Variants in AP2B1 observed in about 807,000 individuals in gnomAD.
The protein encoded by AP2B1 is adaptor related protein complex 2 subunit beta 1, also known as AP-2 complex subunit beta.
In AP2B1, 23 loss-of-function variants were observed where a neutral mutation model predicts 102.0. The ratio of observed to expected loss-of-function variants is 0.23; its 90% CI spans 0.16 to 0.32. AP2B1 has a LOEUF of 0.32. Among genes scored for constraint, AP2B1 ranks in the 10% least tolerant of loss-of-function variants. The pLI, the probability that AP2B1 is intolerant of heterozygous loss-of-function variation, is 1.00. For synonymous variants in AP2B1, 381 were observed against 421.2 expected (o/e 0.90, Z 1.17); for missense variants, 541 against 1,157.4 (o/e 0.47, Z 7.73).
intron 20 of AP2B1, among the ~76,000 whole-genome samples, chr17:35,714,626 T>C (rs1046299511): frequency 6.6e-6 from 1 of 152,038 alleles, no homozygotes; most frequent in Non-Finnish European, 1.5e-5. Context: ...AGGAGGATAA[T>C]GTGAGCCTGG....
intron 12 of AP2B1, among the ~76,000 whole-genome samples, chr17:35,644,804 C>T (rs978436973): frequency 2.6e-5 from 4 of 152,088 alleles, no homozygotes; most frequent in African/African-American, 7.2e-5. Flanking sequence ...GAGGCCAAGG[C>T]GGGCGGATCA....
intron 17 of AP2B1, among the ~76,000 whole-genome samples, chr17:35,679,173 G>T (rs2075764352): frequency 6.6e-6 from 1 of 152,128 alleles, no homozygotes; most frequent in Non-Finnish European, 1.5e-5. Flanking sequence ...TAGTTTTTTA[G>T]ACTTTGCTCC....
chr17:35,671,933 T>C (rs1430970994), intron 16 of AP2B1, 33 bp downstream of exon 16: 5 of 1,608,602 alleles, frequency 3.1e-6, no homozygotes, highest in Non-Finnish European at 3.4e-6. Context: ...AATACTTTCT[T>C]AATGGACAGG....
At chr17:35,684,114 G>A (rs2075881266) in intron 18 of AP2B1, among the ~76,000 whole-genome samples, 1 of 152,138 alleles carries the variant, frequency 6.6e-6, no homozygotes, top group South Asian at 2.1e-4. Context: ...TTTAACAACA[G>A]TTTTAAATTT....
chr17:35,669,446 A>T (rs1055250832), intron 14 of AP2B1, among the ~76,000 whole-genome samples: 1 of 152,086 alleles, frequency 6.6e-6, no homozygotes, highest in Admixed American at 6.5e-5. Flanking sequence ...CCAGCCAAGG[A>T]TGATCTTTTT....
Position 35,594,030 on chromosome 17 carries a change from C to T in AP2B1, c.-1C>T, listed in dbSNP as rs768520342. The stretch of plus-strand genomic sequence containing the variant: ...TAGGTGCACATTAAAGATCCAAAGT[C>T]ATGACTGACTCCAAGTATTTCACAA... On this transcript the variant is annotated 5_prime_UTR_variant, in exon 2 of 22. Coordinates refer to ENST00000610402, the MANE Select transcript of AP2B1 (RefSeq NM_001030006.2). 4.5e-5 allele frequency: 71 copies of T among 1,588,784 alleles called. No homozygotes were observed. Among genetic ancestry groups the T allele is most frequent in the Non-Finnish European group, 6.1e-5 (71 of 1,165,928 alleles).
rs118165166 is a variant in AP2B1 at position 35,604,367 on chromosome 17, G to A, written c.144-1338G>A. 7.7e-3 allele frequency among the ~76,000 whole-genome samples: 1,167 copies of A among 152,014 alleles called. 6 individuals are homozygous for A. Among genetic ancestry groups the A allele is most frequent in the Middle Eastern group, 0.017 (5 of 294 alleles). ...CAAGCAGTCCTCCCACCATGGCCTC[G>A]CAAAGTGCTTGGATTACAGACGTGA... On this transcript the variant is annotated intron_variant, in intron 3 of 21. Transcript: ENST00000610402.
intron 18 of AP2B1, among the ~76,000 whole-genome samples, chr17:35,691,996 G>A (rs2076051515): frequency 1.3e-5 from 2 of 151,954 alleles, no homozygotes; most frequent in East Asian, 1.9e-4. Context: ...CAAGATAATC[G>A]AGAGTCTACT....
chr17:35,670,860 G>A lies in AP2B1; in HGVS notation c.1993G>A (p.Gly665Ser), dbSNP rs1468106099. The A allele has an allele frequency of 6.2e-7, 1 of 1,613,724 alleles. No individual in the cohort carries two copies. The highest frequency in any genetic ancestry group is 8.5e-7 in the Non-Finnish European group (1 of 1,179,942). The change falls in exon 15 of 22, where the codon GGC becomes AGC. Residue 665 changes from glycine (G) to serine (S), a missense_variant. By Grantham distance (56) the Gly-to-Ser change is moderately conservative (BLOSUM62 0). Coordinates refer to ENST00000610402, the MANE Select transcript of AP2B1 (RefSeq NM_001030006.2). ...CTCTCTCCTTTCTCTCTTTCAGCTT[G>A]GCAGTGACCTTGGCGGGGGCATTGG... Reference protein sequence around the residue: ...LLGGGLDSLLGSDLGGGIGGS... With the variant: ...LLGGGLDSLLSSDLGGGIGGS...
intron 18 of AP2B1, among the ~76,000 whole-genome samples, chr17:35,686,617 A>C (rs7406966): frequency 0.51 from 77,131 of 151,946 alleles, 19,636 homozygotes; most frequent in African/African-American, 0.54. Context: ...CATTCTTTCA[A>C]GTTTTCAGGA....
chr17:35,639,547 A>T, intron 10 of AP2B1, 48 bp from the exon 11 acceptor site: 2 of 1,540,018 alleles, frequency 1.3e-6, no homozygotes, highest in East Asian at 2.3e-5. Context: ...CTGTTAAATT[A>T]GTTCTTAGTT....
At chr17:35,645,399 T>A (rs1245285940) in intron 12 of AP2B1, among the ~76,000 whole-genome samples, 2 of 152,200 alleles carry the variant, frequency 1.3e-5, no homozygotes, top group African/African-American at 4.8e-5. Flanking sequence ...ATGTGAAATC[T>A]TAGTGCTTTT....
At chr17:35,611,131 T>C (rs2073850197) in intron 5 of AP2B1, among the ~76,000 whole-genome samples, 1 of 152,170 alleles carries the variant, frequency 6.6e-6, no homozygotes, top group Admixed American at 6.5e-5. Context: ...TTACAGAATG[T>C]TTAGCTGGCA....
intron 18 of AP2B1, among the ~76,000 whole-genome samples, chr17:35,700,112 TAAATA>T (rs2076214049): frequency 1.3e-5 from 2 of 151,748 alleles, no homozygotes; most frequent in Admixed American, 1.3e-4. Context: ...GAAATTAAAA[TAAATA>T]AAATAAACTT....
intron 11 of AP2B1, among the ~76,000 whole-genome samples, chr17:35,640,889 G>A (rs1436023284): frequency 6.6e-6 from 1 of 152,174 alleles, no homozygotes; most frequent in Non-Finnish European, 1.5e-5. Context: ...CTGTGGTGAG[G>A]TTTGAAAAGA....
Position 35,677,841 on chromosome 17 carries a change from T to G in AP2B1, c.2324+3520T>G, listed in dbSNP as rs373937701. Reference sequence around the variant, plus strand: ...TTGTCAGATTTAAGTATTTCAAATTTTTGATGTTATAGTAAATAGTTTTTT... The same window carrying G: ...TTGTCAGATTTAAGTATTTCAAATTGTTGATGTTATAGTAAATAGTTTTTT... On this transcript the variant is annotated intron_variant, in intron 17 of 21. Transcript: ENST00000610402. Among the ~76,000 whole-genome samples, 16 of 149,508 alleles carry G rather than the reference T, an allele frequency of 1.1e-4. No homozygotes were observed. The East Asian group carries it at 1.6e-3, about 15-fold the overall frequency.
At chr17:35,599,754 A>G (rs1423758609) in intron 3 of AP2B1, among the ~76,000 whole-genome samples, 1 of 152,000 alleles carries the variant, frequency 6.6e-6, no homozygotes, top group Non-Finnish European at 1.5e-5. Flanking sequence ...AAAAAAATAC[A>G]AAAAAATTAG....
At chr17:35,645,435 ATAT>A (rs1398341503) in intron 12 of AP2B1, among the ~76,000 whole-genome samples, 4 of 152,232 alleles carry the variant, frequency 2.6e-5, no homozygotes, top group Non-Finnish European at 4.4e-5. Context: ...ATAATTAAAA[ATAT>A]TATTAGTTAG....
chr17:35,607,432 T>C (rs2073718779), intron 4 of AP2B1, among the ~76,000 whole-genome samples: 1 of 152,216 alleles, frequency 6.6e-6, no homozygotes, highest in Non-Finnish European at 1.5e-5. Flanking sequence ...AGGGAATATA[T>C]CATTGGGAAG....
Sources: gnomAD v4.1 joint callset for allele counts (sites outside exome capture counted in the v4.1 genomes callset) on GRCh38, gnomAD v4.1.1 for gene constraint, MANE v1.5 for transcripts, NCBI Gene and HGNC (gene_info 2026-07-23, HGNC 2026-07-21) for gene names.